Variants in ATG5 observed in about 807,000 individuals in gnomAD.
The protein encoded by ATG5 is autophagy related 5.
In ATG5, 14 loss-of-function variants were observed where a neutral mutation model predicts 36.5. The ratio of observed to expected loss-of-function variants is 0.38; its 90% confidence interval spans 0.25 to 0.60. The LOEUF (loss-of-function observed/expected upper bound fraction) is 0.60, where lower values mean the gene tolerates loss of function less well. Among genes scored for constraint, ATG5 ranks in the 20% least tolerant of loss-of-function variants. ATG5 has a pLI of 0.60. For missense variants in ATG5, 195 were observed against 326.7 expected, an observed-to-expected ratio of 0.60 and a Z score of 3.11; for synonymous variants, 95 against 101.5, an observed-to-expected ratio of 0.94 and a Z score of 0.38.
intron 6 of ATG5, among the ~76,000 whole-genome samples, chr6:106,206,865 A>T (rs1411818966): frequency 6.6e-6 from 1 of 152,146 alleles, no homozygotes; most frequent in African/African-American, 2.4e-5. Context: ...AAGAAGACTA[A>T]ATTATACTGA....
intron 2 of ATG5, 38 bp from the exon 3 acceptor site, chr6:106,308,529 G>A (rs1404089554): frequency 1.8e-5 from 26 of 1,417,286 alleles, no homozygotes; most frequent in Non-Finnish European, 2.3e-5. Flanking sequence ...TTATTTACTA[G>A]TTATTATTTT....
intron 6 of ATG5, among the ~76,000 whole-genome samples, chr6:106,246,724 T>C (rs1417716010): frequency 1.3e-5 from 2 of 152,218 alleles, no homozygotes; most frequent in South Asian, 2.1e-4. Context: ...TCCGGACTCT[T>C]TGTGAAATGT....
chr6:106,320,138 C>G (rs1169441115), intron 1 of ATG5, among the ~76,000 whole-genome samples: 1 of 152,174 alleles, frequency 6.6e-6, no homozygotes, highest in Admixed American at 6.5e-5. Context: ...AAATTAGAAG[C>G]CACATCCTAA....
intron 7 of ATG5, among the ~76,000 whole-genome samples, chr6:106,190,053 T>C (rs979590771): frequency 6.6e-6 from 1 of 152,204 alleles, no homozygotes; most frequent in Non-Finnish European, 1.5e-5. Context: ...AAAATACTGA[T>C]ATACCATGAT....
intron 4 of ATG5, among the ~76,000 whole-genome samples, chr6:106,284,222 T>C (rs1290447362): frequency 6.6e-6 from 1 of 152,220 alleles, no homozygotes; most frequent in Non-Finnish European, 1.5e-5. Flanking sequence ...TGCTGTGTAA[T>C]GTGGTAAGTA....
At chr6:106,237,922 ACTT>A (rs1419693857) in intron 6 of ATG5, among the ~76,000 whole-genome samples, 1 of 152,200 alleles carries the variant, frequency 6.6e-6, no homozygotes, top group Non-Finnish European at 1.5e-5. Context: ...ACTAAAGAAG[ACTT>A]CTTCTTGGGT....
intron 4 of ATG5, among the ~76,000 whole-genome samples, chr6:106,282,428 T>A (rs73774306): frequency 1.2e-3 from 189 of 152,358 alleles, no homozygotes; most frequent in African/African-American, 4.4e-3. Context: ...AGTTTGTGGA[T>A]GTTGTGCCCC....
rs541124815 is a variant in ATG5 at position 106,308,272 on chromosome 6, C to T, written c.236+92G>A. On this transcript the variant is annotated intron_variant, in intron 3 of 7. Transcript: ENST00000369076. The stretch of plus-strand genomic sequence containing the variant: ...GAGCTAGACTAATGACTTCTATCCT[C>T]GCAGGACTTTTTTTACAATTGTTTC... 96 of 1,141,550 alleles carry T rather than the reference C, an allele frequency of 8.4e-5. 1 individual carries two copies. The highest frequency in any genetic ancestry group is 9.7e-5 in the Non-Finnish European group (83 of 859,156). 70.7% of individuals were successfully genotyped at this position (1,141,550 alleles called of 1,614,324 possible).
At chr6:106,324,150 G>C (rs560265407) in intron 1 of ATG5, among the ~76,000 whole-genome samples, 1 of 151,742 alleles carries the variant, frequency 6.6e-6, no homozygotes, top group Non-Finnish European at 1.5e-5. Flanking sequence ...TGGGTTCTTC[G>C]TCCTTGTATT....
chr6:106,276,426 T>C (rs1779654059), intron 5 of ATG5, among the ~76,000 whole-genome samples: 1 of 146,032 alleles, frequency 6.8e-6, no homozygotes, highest in Admixed American at 7.3e-5. Context: ...ATCATGCCAC[T>C]GCACTCCAGC....
chr6:106,321,283 TCATATTTC>T (rs1295110794), intron 1 of ATG5, among the ~76,000 whole-genome samples: 1 of 152,114 alleles, frequency 6.6e-6, no homozygotes, highest in African/African-American at 2.4e-5. Context: ...CACAGTTTCC[TCATATTTC>T]CATGGCCCCT....
At chr6:106,243,472 G>A (rs182617610) in intron 6 of ATG5, among the ~76,000 whole-genome samples, 71 of 151,442 alleles carry the variant, frequency 4.7e-4, no homozygotes, top group Non-Finnish European at 9.4e-4. Context: ...AGGCTGTAGT[G>A]AGCTGAGATC....
At chr6:106,267,945 C>G (rs919004268) in intron 5 of ATG5, among the ~76,000 whole-genome samples, 1 of 152,124 alleles carries the variant, frequency 6.6e-6, no homozygotes, top group South Asian at 2.1e-4. Flanking sequence ...GACTTCATGA[C>G]TAAAACACCA....
At chr6:106,321,483 C>G (rs925079746) in intron 1 of ATG5, among the ~76,000 whole-genome samples, 1 of 152,044 alleles carries the variant, frequency 6.6e-6, no homozygotes, top group Non-Finnish European at 1.5e-5. Context: ...CTCAGCCTCC[C>G]GAGTAGCTGG....
At chr6:106,218,260 C>T (rs765886568) in intron 6 of ATG5, among the ~76,000 whole-genome samples, 8 of 152,096 alleles carry the variant, frequency 5.3e-5, no homozygotes, top group Non-Finnish European at 8.8e-5. Flanking sequence ...ATCAACCAAA[C>T]TATAGAAAAG....
intron 5 of ATG5, among the ~76,000 whole-genome samples, chr6:106,267,556 A>G (rs1458331489): frequency 6.6e-6 from 1 of 152,240 alleles, no homozygotes; most frequent in African/African-American, 2.4e-5. Flanking sequence ...AAAAGAACGA[A>G]GCTGGAGGCA....
At chr6:106,192,372 T>A (rs1459202578) in intron 7 of ATG5, among the ~76,000 whole-genome samples, 1 of 152,178 alleles carries the variant, frequency 6.6e-6, no homozygotes, top group African/African-American at 2.4e-5. Flanking sequence ...ACTAATTACC[T>A]TTCTCATCCC....
intron 3 of ATG5, among the ~76,000 whole-genome samples, chr6:106,294,635 T>C (rs865940389): frequency 2.0e-5 from 3 of 150,088 alleles, no homozygotes; most frequent in Non-Finnish European, 4.4e-5. Context: ...CCAGTTCCAG[T>C]ACCTGAGACT....
intron 5 of ATG5, among the ~76,000 whole-genome samples, chr6:106,257,863 A>C (rs1367271974): frequency 6.6e-6 from 1 of 152,240 alleles, no homozygotes; most frequent in Admixed American, 6.5e-5. Context: ...TAGAAAAAAC[A>C]GCATGCTCAA....
Sources: gnomAD v4.1 joint callset for allele counts (sites outside exome capture counted in the v4.1 genomes callset) on GRCh38, gnomAD v4.1.1 for gene constraint, MANE v1.5 for transcripts, NCBI Gene and HGNC (gene_info 2026-07-23, HGNC 2026-07-21) for gene names.